Variants in CHIA observed in about 807,000 individuals in gnomAD.
CHIA encodes the protein chitinase acidic.
In CHIA, 47 loss-of-function variants were observed where a neutral mutation model predicts 53.5. That is an observed-to-expected ratio of 0.88 (90% CI 0.70 to 1.12). CHIA has a LOEUF of 1.12. CHIA is among the 50% of genes most tolerant of loss of function. The pLI is 0.00. For synonymous variants in CHIA, 268 were observed against 222.2 expected (o/e 1.21, Z -1.83); for missense variants, 652 against 592.2 (o/e 1.10, Z -1.05).
intron 1 of CHIA, among the ~76,000 whole-genome samples, chr1:111,303,182 G>A (rs1458405573): frequency 6.6e-6 from 1 of 151,956 alleles, no homozygotes; most frequent in Non-Finnish European, 1.5e-5. Flanking sequence ...GCGTATGGTT[G>A]GATCATGTGT....
intron 1 of CHIA, among the ~76,000 whole-genome samples, chr1:111,301,539 A>G (rs1647732741): frequency 6.6e-6 from 1 of 151,880 alleles, no homozygotes; most frequent in South Asian, 2.1e-4. Flanking sequence ...CTCTACTTAA[A>G]ATACAAAAAA....
chr1:111,319,504 T>C, intron 11 of CHIA, 36 bp downstream of exon 11: 2 of 1,607,146 alleles, frequency 1.2e-6, no homozygotes, highest in Non-Finnish European at 1.7e-6. Context: ...GGTGTATAAA[T>C]ACCCCTTCTC....
chr1:111,315,866 T>C (rs1251038529), intron 6 of CHIA: 2 of 448,174 alleles, frequency 4.5e-6, no homozygotes, highest in Non-Finnish European at 8.9e-6. Flanking sequence ...CTGCCCGTTA[T>C]TACTGAGTAC....
chr1:111,318,201 T>C lies in CHIA; in HGVS notation c.729+92T>C, dbSNP rs570121823. On this transcript the variant is annotated intron_variant, in intron 8 of 11. Coordinates refer to ENST00000369740, the MANE Select transcript of CHIA (RefSeq NM_201653.4). The stretch of plus-strand genomic sequence containing the variant: ...ACAAAAGGCATCATAAGTTTAGTGG[T>C]TTTCTCAAATGGGAAATTAGGCTGC... 1.5e-5 allele frequency: 20 copies of C among 1,303,946 alleles called. No homozygotes were observed. The East Asian group carries it at 2.6e-4, about 17-fold the overall frequency. 80.8% of individuals were successfully genotyped at this position (1,303,946 alleles called of 1,614,324 possible).
chr1:111,306,105 C>A (rs1483075746), intron 1 of CHIA, among the ~76,000 whole-genome samples: 1 of 152,164 alleles, frequency 6.6e-6, no homozygotes, highest in Admixed American at 6.6e-5. Flanking sequence ...TGACAGGCAA[C>A]CCATTTTCAT....
chr1:111,314,413 G>A (rs1036921870), intron 4 of CHIA, 127 bp from the exon 5 acceptor site: 21 of 607,244 alleles, frequency 3.5e-5, no homozygotes, highest in Admixed American at 6.3e-5. Flanking sequence ...TTTCAGTAGG[G>A]GAGGAAAATT....
intron 1 of CHIA, among the ~76,000 whole-genome samples, chr1:111,296,886 T>G (rs186339608): frequency 1.3e-5 from 2 of 152,184 alleles, no homozygotes; most frequent in Non-Finnish European, 2.9e-5. Flanking sequence ...TTAAATGAAC[T>G]GACAGAACGG....
intron 1 of CHIA, among the ~76,000 whole-genome samples, chr1:111,292,455 G>T (rs1227314803): frequency 6.6e-6 from 1 of 152,166 alleles, no homozygotes; most frequent in Admixed American, 6.5e-5. Flanking sequence ...CAATTGACTG[G>T]CATTGGTTAT....
chr1:111,311,193 AG>A (rs1440850557), intron 2 of CHIA, among the ~76,000 whole-genome samples: 3 of 152,346 alleles, frequency 2.0e-5, no homozygotes, highest in African/African-American at 7.2e-5. Context: ...AGTCAGGGAA[AG>A]GTATCTGGAG....
chr1:111,291,072 G>T (rs1285939055), intron 1 of CHIA, 122 bp downstream of exon 1: 7 of 295,368 alleles, frequency 2.4e-5, no homozygotes, highest in African/African-American at 1.6e-4. Flanking sequence ...CATCTGCATT[G>T]CCATTTATGT....
intron 2 of CHIA, among the ~76,000 whole-genome samples, chr1:111,311,102 G>C (rs911080276): frequency 1.3e-5 from 2 of 152,234 alleles, no homozygotes; most frequent in Admixed American, 1.3e-4. Context: ...TTTGCAAACT[G>C]TTTAAGCTTC....
At chr1:111,312,603 G>A (rs937281198) in intron 4 of CHIA, among the ~76,000 whole-genome samples, 77 of 152,194 alleles carry the variant, frequency 5.1e-4, no homozygotes, top group African/African-American at 1.6e-3. Context: ...TGGCTCAATC[G>A]AACTATCAAC....
At chr1:111,315,791 G>A (rs918948575) in intron 6 of CHIA, 3 of 459,730 alleles carry the variant, frequency 6.5e-6, no homozygotes, top group African/African-American at 6.0e-5. Flanking sequence ...CACACAACTA[G>A]TAGGAATCAT....
intron 1 of CHIA, among the ~76,000 whole-genome samples, chr1:111,307,017 T>C (rs963648092): frequency 6.6e-6 from 1 of 152,256 alleles, no homozygotes; most frequent in South Asian, 2.1e-4. Flanking sequence ...TAAATTGATA[T>C]AACTACTTTG....
chr1:111,320,423 G>A lies in CHIA; in HGVS notation c.1388G>A (p.Gly463Glu), dbSNP rs1242848433. ...GVTYQQNCQA[G>E]LVFDTSCDCC... The stretch of plus-strand genomic sequence containing the variant: ...ACGTACCAGCAGAACTGCCAGGCCG[G>A]GCTTGTCTTCGACACCAGCTGTGAT... The change falls in exon 12 of 12, where the codon GGG becomes GAG. Residue 463 changes from glycine (G) to glutamate (E), a missense_variant. Coordinates refer to ENST00000369740, the MANE Select transcript of CHIA (RefSeq NM_201653.4). 3 of 1,614,038 alleles carry A rather than the reference G, an allele frequency of 1.9e-6. No individual in the cohort carries two copies. In the South Asian group the frequency reaches 3.3e-5, roughly 18 times the overall value.
chr1:111,291,918 C>A (rs998380761), intron 1 of CHIA, among the ~76,000 whole-genome samples: 1 of 152,080 alleles, frequency 6.6e-6, no homozygotes, highest in African/African-American at 2.4e-5. Context: ...ATAGGTGCAG[C>A]AAGCCACCAT....
In CHIA at chr1:111,312,196, C is replaced by A; in HGVS notation, c.62C>A (p.Ala21Asp). 6.2e-7 allele frequency: 1 copy of A among 1,613,840 alleles called. No homozygotes were observed. The highest frequency in any genetic ancestry group is 8.5e-7 in the Non-Finnish European group (1 of 1,179,726). The change falls in exon 4 of 12, where the codon GCC (alanine) becomes GAC (aspartate). Residue 21 changes from alanine to aspartate, a missense_variant. Transcript: ENST00000369740. The stretch of plus-strand genomic sequence containing the variant: ...TCCTGCTGACTACACACAGGCTCTG[C>A]CTACCAGCTGACATGCTACTTCACC... Reference protein sequence around the residue: ...VLILNLQLGSAYQLTCYFTNW... With the variant: ...VLILNLQLGSDYQLTCYFTNW...
chr1:111,314,609 T>C lies in CHIA; in HGVS notation c.314+13T>C, dbSNP rs1370446731. 3 of 1,606,384 alleles carry C rather than the reference T, an allele frequency of 1.9e-6. No homozygotes were observed. In the African/African-American group the frequency reaches 4.0e-5, roughly 21 times the overall value. On this transcript the variant is annotated intron_variant, in intron 5 of 11. Transcript: ENST00000369740. ...TCGGGACTGCCCCGTAAGTCTTCTA[T>C]GGAGAGCATGTTGTTCGTTTGCTAT...
intron 1 of CHIA, among the ~76,000 whole-genome samples, chr1:111,308,079 A>G (rs965436145): frequency 6.6e-6 from 1 of 152,254 alleles, no homozygotes; most frequent in Admixed American, 6.5e-5. Flanking sequence ...TATTCATTCT[A>G]TGACTCATAA....
Sources: allele counts gnomAD v4.1 joint callset (sites outside exome capture counted in the v4.1 genomes callset), GRCh38; gene constraint gnomAD v4.1.1; transcripts MANE v1.5; gene names NCBI Gene and HGNC (gene_info 2026-07-23, HGNC 2026-07-21).